Variants in RBFOX1 observed in about 807,000 individuals in gnomAD.
RBFOX1 encodes RNA binding fox-1 homolog 1, also known as RNA binding protein fox-1 homolog 1.
Under a neutral mutation model 57.7 loss-of-function variants are expected in RBFOX1, and 8 were observed. The observed-to-expected ratio is 0.14, with a 90% CI of 0.08 to 0.25. RBFOX1 has a LOEUF of 0.25. RBFOX1 is among the 10% of genes least tolerant of loss of function. The pLI is 1.00. For missense variants in RBFOX1, 611 were observed against 548.5 expected, an observed-to-expected ratio of 1.11 and a Z score of -1.14; for synonymous variants, 326 against 222.4, an observed-to-expected ratio of 1.47 and a Z score of -4.15.
At chr16:6,761,500 C>T (rs1428679506) in intron 3 of RBFOX1, among the ~76,000 whole-genome samples, 3 of 60,156 alleles carry the variant, frequency 5.0e-5, no homozygotes, top group African/African-American at 6.9e-5. Context: ...TCCCAATCTC[C>T]TTTTTTTTTT....
At chr16:5,343,678 C>G (rs895817135) in intron 1 of RBFOX1, among the ~76,000 whole-genome samples, 2 of 152,130 alleles carry the variant, frequency 1.3e-5, no homozygotes, top group Non-Finnish European at 2.9e-5. Context: ...GATACGAATA[C>G]AATATGGGTG....
At chr16:6,748,011 G>A (rs1277986071) in intron 3 of RBFOX1, among the ~76,000 whole-genome samples, 1 of 152,110 alleles carries the variant, frequency 6.6e-6, no homozygotes, top group Non-Finnish European at 1.5e-5. Flanking sequence ...TAGGTTGTAT[G>A]ATTTGAAGGA....
intron 3 of RBFOX1, among the ~76,000 whole-genome samples, chr16:5,681,319 T>G (rs1257339482): frequency 6.6e-6 from 1 of 150,860 alleles, no homozygotes; most frequent in Non-Finnish European, 1.5e-5. Context: ...CTCCTGACCT[T>G]GTGATCCACC....
intron 4 of RBFOX1, among the ~76,000 whole-genome samples, chr16:7,305,785 G>A (rs1042157211): frequency 6.6e-6 from 1 of 152,084 alleles, no homozygotes; most frequent in African/African-American, 2.4e-5. Context: ...AAAATCTTGG[G>A]AACCAATTTG....
chr16:7,570,014 C>A (rs916118690), intron 5 of RBFOX1, among the ~76,000 whole-genome samples: 1 of 152,102 alleles, frequency 6.6e-6, no homozygotes, highest in Admixed American at 6.5e-5. Flanking sequence ...TTTCCAATGA[C>A]AATTCAGTTT....
intron 3 of RBFOX1, among the ~76,000 whole-genome samples, chr16:5,858,826 T>A (rs1448813670): frequency 1.3e-5 from 2 of 152,170 alleles, no homozygotes; most frequent in Non-Finnish European, 2.9e-5. Flanking sequence ...GGTTAAAATT[T>A]AAGATGAGTC....
intron 3 of RBFOX1, among the ~76,000 whole-genome samples, chr16:6,844,805 A>G (rs951635947): frequency 6.6e-6 from 1 of 152,168 alleles, no homozygotes; most frequent in African/African-American, 2.4e-5. Context: ...TGCCTCCAAC[A>G]GTGTAAAAAT....
At chr16:6,231,005 A>T (rs1014316134) in intron 1 of RBFOX1, among the ~76,000 whole-genome samples, 2 of 152,212 alleles carry the variant, frequency 1.3e-5, no homozygotes, top group Non-Finnish European at 2.9e-5. Flanking sequence ...GTAAACTGTT[A>T]CATCAGTGAC....
Position 6,562,878 on chromosome 16 carries a change from TTC to T in RBFOX1, c.-63-91723_-63-91722del, listed in dbSNP as rs1339043938. On this transcript the variant is annotated intron_variant, in intron 2 of 15. Coordinates refer to ENST00000550418, the MANE Select transcript of RBFOX1 (RefSeq NM_018723.4). ...TTTCTTTCTTTCTTTCTTTCTTTCT[TTC>T]TTTTTTTTTTTTTTTTTTGCATAGT... 3.3e-4 allele frequency among the ~76,000 whole-genome samples: 24 copies of T among 73,626 alleles called. 1 individual carries two copies. The highest frequency in any genetic ancestry group is 8.3e-4 in the Admixed American group (6 of 7,216). The allele number at this position is 73,626 out of a possible 152,430, so 48.3% of individuals were successfully genotyped here.
At chr16:7,237,505 C>G (rs2152952457) in intron 4 of RBFOX1, among the ~76,000 whole-genome samples, 1 of 152,320 alleles carries the variant, frequency 6.6e-6, no homozygotes. Flanking sequence ...TCTCATTAGC[C>G]TGAAGCACAA....
intron 2 of RBFOX1, among the ~76,000 whole-genome samples, chr16:6,508,586 C>G (rs957875460): frequency 2.0e-5 from 3 of 152,142 alleles, no homozygotes; most frequent in Non-Finnish European, 4.4e-5. Flanking sequence ...CATCTCGTCT[C>G]TGCTTCCCTC....
chr16:7,108,051 G>T (rs1487965416), intron 4 of RBFOX1, among the ~76,000 whole-genome samples: 1 of 152,104 alleles, frequency 6.6e-6, no homozygotes, highest in African/African-American at 2.4e-5. Flanking sequence ...GTGAAAGGAT[G>T]AATCAAGCAA....
intron 3 of RBFOX1, among the ~76,000 whole-genome samples, chr16:6,707,130 G>A (rs1248738808): frequency 3.3e-5 from 5 of 152,092 alleles, no homozygotes; most frequent in African/African-American, 1.2e-4. Context: ...ATTTAATCCA[G>A]ATGTGATTTC....
In RBFOX1 at chr16:6,407,567, G is replaced by GTGTGTGTGTGTGTGTGTC. The variant is rs67151505; in HGVS notation, c.-64+90510_-64+90511insTGTGTGTGTGTGTGTGTC. On this transcript the variant is annotated intron_variant, in intron 2 of 15. Coordinates refer to ENST00000550418, the MANE Select transcript of RBFOX1 (RefSeq NM_018723.4). Reference sequence around the variant, plus strand: ...TGTGTGTGTGTGTGTGTGTGTGTGTGACAGAGAGAGAGAGAGAGAGAGAGA... The same window carrying GTGTGTGTGTGTGTGTGTC: ...TGTGTGTGTGTGTGTGTGTGTGTGTGTGTGTGTGTGTGTGTGTCACAGAGAGAGAGAGAGAGAGAGAGA... Among the ~76,000 whole-genome samples, 1,187 of 145,044 alleles carry GTGTGTGTGTGTGTGTGTC rather than the reference G, an allele frequency of 8.2e-3. 18 individuals are homozygous for GTGTGTGTGTGTGTGTGTC. The highest frequency in any genetic ancestry group is 0.048 in the South Asian group (213 of 4,414).
intron 4 of RBFOX1, chr16:7,126,530 T>G (rs1247437920): frequency 1.4e-5 from 3 of 219,056 alleles, no homozygotes; most frequent in Non-Finnish European, 2.9e-5. Flanking sequence ...TACAAATTTC[T>G]TAATGGCCTT....
At chr16:5,686,277 G>A (rs1326945477) in intron 3 of RBFOX1, among the ~76,000 whole-genome samples, 2 of 152,186 alleles carry the variant, frequency 1.3e-5, no homozygotes, top group African/African-American at 4.8e-5. Flanking sequence ...GTGGGGTTAT[G>A]GAGGATGTTT....
intron 3 of RBFOX1, among the ~76,000 whole-genome samples, chr16:6,824,580 A>T (rs534447138): frequency 6.6e-6 from 1 of 152,332 alleles, no homozygotes; most frequent in South Asian, 2.1e-4. Flanking sequence ...TACTAATACA[A>T]GTCTGTAAGT....
chr16:6,480,490 G>C (rs554080755), intron 2 of RBFOX1, among the ~76,000 whole-genome samples: 1 of 152,108 alleles, frequency 6.6e-6, no homozygotes, highest in Admixed American at 6.6e-5. Context: ...TACACATCAC[G>C]AAATATTATT....
At chr16:6,566,234 G>A (rs931873994) in intron 2 of RBFOX1, among the ~76,000 whole-genome samples, 2 of 152,194 alleles carry the variant, frequency 1.3e-5, no homozygotes, top group African/African-American at 4.8e-5. Flanking sequence ...AAAAGCAACT[G>A]AGATCCACCA....
Sources: gnomAD v4.1 joint callset for allele counts (sites outside exome capture counted in the v4.1 genomes callset) on GRCh38, gnomAD v4.1.1 for gene constraint, MANE v1.5 for transcripts, NCBI Gene and HGNC (gene_info 2026-07-23, HGNC 2026-07-21) for gene names.